Variants in MACROD2 observed in about 807,000 individuals in gnomAD.
The protein encoded by MACROD2 is mono-ADP ribosylhydrolase 2.
Under a neutral mutation model 70.4 loss-of-function variants are expected in MACROD2, and 36 were observed. The observed-to-expected ratio is 0.51, with a 90% confidence interval of 0.39 to 0.68. The LOEUF (loss-of-function observed/expected upper bound fraction) is 0.68, where lower values mean the gene tolerates loss of function less well. Among genes scored for constraint, MACROD2 ranks in the 30% least tolerant of loss-of-function variants. The pLI is 0.00. For missense variants in MACROD2, 496 were observed against 538.4 expected (o/e 0.92, Z 0.78); for synonymous variants, 172 against 178.8 (o/e 0.96, Z 0.30).
intron 7 of MACROD2, among the ~76,000 whole-genome samples, chr20:15,442,971 G>A (rs1235611637): frequency 1.3e-5 from 2 of 152,056 alleles, no homozygotes; most frequent in African/African-American, 4.8e-5. Flanking sequence ...ACTATATTTA[G>A]ATATTTAGAC....
intron 10 of MACROD2, among the ~76,000 whole-genome samples, chr20:15,932,358 T>A (rs2065593684): frequency 1.3e-5 from 2 of 152,122 alleles, no homozygotes; most frequent in Admixed American, 1.3e-4. Context: ...CCATATTTCA[T>A]TGGTCTAAAG....
At chr20:15,088,395 TTTTATATATATATA>T (rs1317288433) in intron 5 of MACROD2, among the ~76,000 whole-genome samples, 19 of 103,268 alleles carry the variant, frequency 1.8e-4, no homozygotes, top group African/African-American at 7.2e-4. Context: ...ATATACTATA[TTTTATATATATATA>T]TATATATATA....
intron 5 of MACROD2, among the ~76,000 whole-genome samples, chr20:14,717,996 G>T (rs543656288): frequency 3.4e-4 from 52 of 151,964 alleles, no homozygotes; most frequent in African/African-American, 1.2e-3. Context: ...ACACACACAC[G>T]TCTGTGAATG....
intron 6 of MACROD2, among the ~76,000 whole-genome samples, chr20:15,283,424 G>A (rs1300715498): frequency 3.9e-5 from 6 of 152,164 alleles, no homozygotes; most frequent in Non-Finnish European, 8.8e-5. Flanking sequence ...TGTAATCCCT[G>A]CCCTTTGGGA....
chr20:16,020,565 G>T (rs541053649), intron 15 of MACROD2, among the ~76,000 whole-genome samples: 2 of 150,496 alleles, frequency 1.3e-5, no homozygotes, highest in Non-Finnish European at 3.0e-5. Flanking sequence ...GATGCTCAGC[G>T]AATGTCTGCT....
chr20:14,991,814 C>A (rs566535977), intron 5 of MACROD2, among the ~76,000 whole-genome samples: 1 of 152,098 alleles, frequency 6.6e-6, no homozygotes, highest in Non-Finnish European at 1.5e-5. Flanking sequence ...TAATTTGCAC[C>A]GCCTTAATTA....
At chr20:15,643,783 G>T (rs573903924) in intron 8 of MACROD2, among the ~76,000 whole-genome samples, 3 of 152,312 alleles carry the variant, frequency 2.0e-5, no homozygotes, top group African/African-American at 7.2e-5. Context: ...AGGTTTGGCT[G>T]CATGTGACAG....
intron 15 of MACROD2, among the ~76,000 whole-genome samples, chr20:16,037,204 A>G (rs746330097): frequency 2.2e-4 from 33 of 151,976 alleles, no homozygotes; most frequent in Non-Finnish European, 4.4e-4. Flanking sequence ...CTGATTTGCT[A>G]TTTGCATTTT....
intron 5 of MACROD2, among the ~76,000 whole-genome samples, chr20:15,203,663 A>T (rs2076676517): frequency 6.6e-6 from 1 of 151,776 alleles, no homozygotes; most frequent in Admixed American, 6.6e-5. Flanking sequence ...AATGAACTAA[A>T]CTAAGATAAT....
intron 6 of MACROD2, among the ~76,000 whole-genome samples, chr20:15,359,498 G>A (rs1271203646): frequency 6.6e-6 from 1 of 151,104 alleles, no homozygotes; most frequent in Non-Finnish European, 1.5e-5. Context: ...ATATATTTAT[G>A]TGTTAATATA....
rs116019627 is a variant in MACROD2 at position 14,506,117 on chromosome 20, C to A, written c.301+12609C>A. On this transcript the variant is annotated intron_variant, in intron 4 of 17. Coordinates refer to ENST00000684519, the MANE Select transcript of MACROD2 (RefSeq NM_001351661.2). ...GACTTTGAGTGGTGAGTGATTAATACGCCCTGAAGAGTTGTCAGTGAAAGT... is the reference window on the plus strand; with the variant it reads ...GACTTTGAGTGGTGAGTGATTAATAAGCCCTGAAGAGTTGTCAGTGAAAGT... Among the ~76,000 whole-genome samples, 389 of 152,186 alleles carry A rather than the reference C, an allele frequency of 2.6e-3. 1 individual carries two copies. Among genetic ancestry groups the A allele is most frequent in the African/African-American group, 8.8e-3 (367 of 41,520 alleles).
At chr20:16,007,947 T>C (rs1196917769) in intron 15 of MACROD2, among the ~76,000 whole-genome samples, 2 of 152,220 alleles carry the variant, frequency 1.3e-5, no homozygotes, top group Non-Finnish European at 2.9e-5. Flanking sequence ...GGTCACCTTG[T>C]TCAACCTCCT....
intron 5 of MACROD2, among the ~76,000 whole-genome samples, chr20:14,790,235 C>T (rs530606007): frequency 4.6e-5 from 7 of 151,422 alleles, no homozygotes; most frequent in Admixed American, 2.0e-4. Flanking sequence ...TCTGTGAGCT[C>T]GATAAATATC....
intron 3 of MACROD2, among the ~76,000 whole-genome samples, chr20:14,262,421 G>A (rs2082108334): frequency 6.6e-6 from 1 of 152,200 alleles, no homozygotes; most frequent in Non-Finnish European, 1.5e-5. Context: ...AAGGAGAAAA[G>A]ATAATTACTG....
intron 5 of MACROD2, chr20:14,892,610 G>A (rs748376122): frequency 1.3e-5 from 2 of 152,026 alleles, no homozygotes; most frequent in South Asian, 2.1e-4. Flanking sequence ...CTATATTCAC[G>A]TTGTTATGCA....
chr20:15,267,646 C>T (rs894677411), intron 6 of MACROD2, among the ~76,000 whole-genome samples: 6 of 152,210 alleles, frequency 3.9e-5, no homozygotes, highest in African/African-American at 9.6e-5. Flanking sequence ...CATCTCCCCT[C>T]AACAGATTTC....
rs10523169 is a variant in MACROD2 at position 15,454,406 on chromosome 20, A to AACACACACACACACACACAC, written c.571+23000_571+23019dup. On this transcript the variant is annotated intron_variant, in intron 7 of 17. Transcript: ENST00000684519. Reference sequence around the variant, plus strand: ...ATATCCCTCTCATTTGACATATTCAAACACACACACACACACACACACACA... The same window carrying AACACACACACACACACACAC: ...ATATCCCTCTCATTTGACATATTCAAACACACACACACACACACACACACACACACACACACACACACACA... Among the ~76,000 whole-genome samples the AACACACACACACACACACAC allele has an allele frequency of 1.9e-4, 26 of 137,530 alleles. 1 individual carries two copies. Among genetic ancestry groups the AACACACACACACACACACAC allele is most frequent in the Middle Eastern group, 3.5e-3 (1 of 284 alleles). The allele number at this position is 137,530 out of a possible 152,430, so 90.2% of individuals were successfully genotyped here. A position where few individuals can be genotyped will look rare whatever the true frequency, so the allele number is the denominator to read the frequency against.
intron 2 of MACROD2, among the ~76,000 whole-genome samples, chr20:14,046,715 TTTTA>T (rs57310891): frequency 0.35 from 51,638 of 145,576 alleles, 9,817 homozygotes; most frequent in South Asian, 0.44. Flanking sequence ...AAGCATTCTC[TTTTA>T]TTTATTTATT....
chr20:14,159,521 C>G (rs2055153367), intron 3 of MACROD2, among the ~76,000 whole-genome samples: 1 of 151,898 alleles, frequency 6.6e-6, no homozygotes, highest in Non-Finnish European at 1.5e-5. Context: ...TCTTTTTCAG[C>G]TAGTTTGATA....
Sources: gnomAD v4.1 joint callset for allele counts (sites outside exome capture counted in the v4.1 genomes callset) on GRCh38, gnomAD v4.1.1 for gene constraint, MANE v1.5 for transcripts, NCBI Gene and HGNC (gene_info 2026-07-23, HGNC 2026-07-21) for gene names.